FARP2: variants seen among roughly 807,000 people sequenced by gnomAD.
FARP2 encodes the protein FERM, ARHGEF and pleckstrin domain-containing protein 2.
In FARP2, 111 loss-of-function variants were observed where a neutral mutation model predicts 130.5. The ratio of observed to expected loss-of-function variants is 0.85; its 90% CI spans 0.73 to 1.00. FARP2 has a LOEUF of 1.00. Ranked by LOEUF, FARP2 falls within the 50% of genes least tolerant of loss-of-function variation. FARP2 has a pLI of 0.00. For missense variants in FARP2, 1,385 were observed against 1,346.3 expected (o/e 1.03, Z -0.45); for synonymous variants, 504 against 516.9 (o/e 0.98, Z 0.34).
chr2:241,439,830 C>T (rs1388528433), intron 12 of FARP2, among the ~76,000 whole-genome samples: 1 of 151,898 alleles, frequency 6.6e-6, no homozygotes, highest in African/African-American at 2.4e-5. Context: ...GCATGGTAGG[C>T]GCGTATAATC....
intron 2 of FARP2, among the ~76,000 whole-genome samples, chr2:241,389,322 A>G (rs1395382707): frequency 1.3e-5 from 2 of 152,190 alleles, no homozygotes; most frequent in Admixed American, 6.5e-5. Flanking sequence ...TCGGACTTAA[A>G]AAGAAAAAAA....
intron 5 of FARP2, among the ~76,000 whole-genome samples, chr2:241,409,986 A>G (rs151088991): frequency 6.9e-4 from 105 of 152,302 alleles, no homozygotes; most frequent in African/African-American, 2.4e-3. Flanking sequence ...GAATTTTAAG[A>G]GAATGTGGTA....
chr2:241,397,572 A>G (rs2062060802), intron 2 of FARP2, among the ~76,000 whole-genome samples: 1 of 152,086 alleles, frequency 6.6e-6, no homozygotes, highest in Non-Finnish European at 1.5e-5. Context: ...GACCTTGGTA[A>G]GCTGAACTGT....
At chr2:241,366,696 A>G (rs776887146) in intron 1 of FARP2, among the ~76,000 whole-genome samples, 5 of 152,114 alleles carry the variant, frequency 3.3e-5, no homozygotes, top group Non-Finnish European at 7.3e-5. Context: ...ATAAATTAGT[A>G]GAAATCAAGA....
chr2:241,489,801 C>T (rs2064848898), intron 21 of FARP2, 161 bp from the exon 22 acceptor site: 1 of 578,090 alleles, frequency 1.7e-6, no homozygotes, highest in Non-Finnish European at 3.1e-6. Context: ...GCAGGGATAC[C>T]AGTGTCCTCC....
At chr2:241,406,118 A>G (rs183328270) in intron 4 of FARP2, among the ~76,000 whole-genome samples, 8 of 152,126 alleles carry the variant, frequency 5.3e-5, no homozygotes, top group African/African-American at 1.7e-4. Context: ...CCTGGCTAAC[A>G]TGGTGAAACT....
At chr2:241,484,006 CTTCTCAG>C in intron 20 of FARP2, 1 of 1,337,694 alleles carries the variant, frequency 7.5e-7, no homozygotes, top group Admixed American at 3.1e-5. Context: ...CTGCCTCCAG[CTTCTCAG>C]CCAAGCTAGC....
chr2:241,369,942 A>G (rs888442730), intron 1 of FARP2, among the ~76,000 whole-genome samples: 10 of 152,210 alleles, frequency 6.6e-5, no homozygotes, highest in African/African-American at 1.9e-4. Flanking sequence ...TAACTACTCA[A>G]TAAATAAAAG....
At chr2:241,386,397 C>T (rs1198799121) in intron 2 of FARP2, among the ~76,000 whole-genome samples, 1 of 152,154 alleles carries the variant, frequency 6.6e-6, no homozygotes, top group Non-Finnish European at 1.5e-5. Context: ...TTGCTCCCCG[C>T]TCAGCAGTGG....
At chr2:241,442,987 C>T (rs932408162) in intron 13 of FARP2, 31 of 196,270 alleles carry the variant, frequency 1.6e-4, no homozygotes, top group South Asian at 8.9e-4. Context: ...CCAGCCACTG[C>T]GCTACACAAA....
At chr2:241,437,956 C>T (rs1434113245) in intron 12 of FARP2, among the ~76,000 whole-genome samples, 2 of 151,966 alleles carry the variant, frequency 1.3e-5, no homozygotes, top group Non-Finnish European at 2.9e-5. Flanking sequence ...TGAGCCACCA[C>T]GCCCAGCCGC....
intron 4 of FARP2, 49 bp downstream of exon 4, chr2:241,404,890 G>A: frequency 7.2e-6 from 10 of 1,395,632 alleles, no homozygotes; most frequent in Non-Finnish European, 9.2e-6. Flanking sequence ...AAGATGTGTT[G>A]TCCTGGAATG....
chr2:241,364,650 T>A (rs1176769327), intron 1 of FARP2, among the ~76,000 whole-genome samples: 1 of 152,116 alleles, frequency 6.6e-6, no homozygotes. Flanking sequence ...ACAGAAGATA[T>A]AAAGAAGTGG....
intron 17 of FARP2, chr2:241,465,829 T>G: frequency 6.5e-7 from 1 of 1,541,894 alleles, no homozygotes; most frequent in Non-Finnish European, 8.8e-7. Flanking sequence ...TGGCCACTCC[T>G]CACACCTAGA....
chr2:241,480,997 T>C (rs1429820503), intron 19 of FARP2, among the ~76,000 whole-genome samples: 1 of 143,774 alleles, frequency 7.0e-6, no homozygotes, highest in Non-Finnish European at 1.5e-5. Flanking sequence ...GGCAGAAGGA[T>C]CACTTGAGGC....
At position 241,459,902 on chromosome 2, in the gene FARP2, G is replaced by A. The variant is rs2063967658; in HGVS notation, c.1588-2621G>A. ...CCTGACTCCCCTGTGACCCACTGGT[G>A]GCACCTGTGATGAGAAGTCTCATCA... is the stretch of plus-strand genomic sequence containing the variant. On this transcript the variant is annotated intron_variant, in intron 14 of 26. Transcript: ENST00000264042. The surrounding 1 kb of genome is among the most constrained non-coding windows in gnomAD (Gnocchi z 5.3). Among the ~76,000 whole-genome samples the A allele has an allele frequency of 1.3e-5, 2 of 152,160 alleles. No individual in the cohort carries two copies. Among genetic ancestry groups the A allele is most frequent in the South Asian group, 4.1e-4 (2 of 4,832 alleles).
At chr2:241,387,280 G>A (rs2061806447) in intron 2 of FARP2, 1 of 152,188 alleles carries the variant, frequency 6.6e-6, no homozygotes, top group Non-Finnish European at 1.5e-5. Context: ...GAAAAGAAAG[G>A]AAGAGAGGGA....
chr2:241,484,991 A>G (rs1016992671), intron 21 of FARP2, among the ~76,000 whole-genome samples: 2 of 152,094 alleles, frequency 1.3e-5, no homozygotes, highest in Non-Finnish European at 2.9e-5. Flanking sequence ...GTCTCTCCCC[A>G]TGGGCCTGCC....
At chr2:241,474,864 C>T (rs1000854235) in intron 18 of FARP2, among the ~76,000 whole-genome samples, 1 of 151,298 alleles carries the variant, frequency 6.6e-6, no homozygotes, top group African/African-American at 2.4e-5. Context: ...AAAGTGGTCC[C>T]CATGAGTGAT....
Sources: gnomAD v4.1 joint callset for allele counts (sites outside exome capture counted in the v4.1 genomes callset) on GRCh38, gnomAD v4.1.1 for gene constraint, Gnocchi (gnomAD v3.1) non-coding constraint, MANE v1.5 for transcripts, NCBI Gene and HGNC (gene_info 2026-07-23, HGNC 2026-07-21) for gene names.